MYH7: variants seen among roughly 807,000 people sequenced by gnomAD.
MYH7 encodes myosin heavy chain 7.
MYH7 carries 129 observed loss-of-function variants against 225.4 expected under a neutral mutation model. That is an observed-to-expected ratio of 0.57 (90% CI 0.50 to 0.66). MYH7 has a LOEUF of 0.66. Among genes scored for constraint, MYH7 ranks in the 30% least tolerant of loss-of-function variants. The pLI, the probability that MYH7 is intolerant of heterozygous loss-of-function variation, is 0.00. For missense variants in MYH7, 1,649 were observed against 2,517.0 expected (o/e 0.66, Z 7.38); for synonymous variants, 971 against 1,007.6 (o/e 0.96, Z 0.69).
intron 27 of MYH7, 112 bp downstream of exon 27, chr14:23,419,733 C>G: frequency 6.2e-7 from 1 of 1,612,288 alleles, no homozygotes; most frequent in South Asian, 1.1e-5. Flanking sequence ...ATCTGAGAAC[C>G]AGGCAGAGGA....
intron 22 of MYH7, among the ~76,000 whole-genome samples, chr14:23,424,528 ATAAT>A (rs1263826115): frequency 6.6e-6 from 1 of 152,228 alleles, no homozygotes; most frequent in African/African-American, 2.4e-5. Context: ...AGGTCACAAA[ATAAT>A]TAAGCTGTGT....
chr14:23,433,827 A>C lies in MYH7; in HGVS notation c.-8-87T>G. 1 of 1,302,946 alleles carries C rather than the reference A, an allele frequency of 7.7e-7. No homozygotes were observed. Among genetic ancestry groups the C allele is most frequent in the Non-Finnish European group, 1.1e-6 (1 of 917,360 alleles). 80.7% of individuals were successfully genotyped at this position (1,302,946 alleles called of 1,614,324 possible). ...TCTCCCCTTCAGTGGGAGCCCCAAA[A>C]CCTAGCACCATGCTCAAGAGTCAAG... On this transcript the variant is annotated intron_variant, in intron 2 of 39. Coordinates refer to ENST00000355349, the MANE Select transcript of MYH7 (RefSeq NM_000257.4). The surrounding 1 kb of genome is among the most constrained non-coding windows in gnomAD (Gnocchi z 4.1).
intron 26 of MYH7, 71 bp from the exon 27 acceptor site, chr14:23,420,305 C>T: frequency 6.4e-7 from 1 of 1,562,454 alleles, no homozygotes; most frequent in South Asian, 1.2e-5. Context: ...CTCTAAAAGG[C>T]TCTCGGCTTC....
At position 23,417,605 on chromosome 14, in the gene MYH7, G is replaced by C. The variant is rs763934978; in HGVS notation, c.4251C>G (p.Thr1417=). ...CGATCTCATTCTGTAGCCGGTGCTT[G>C]GTCTTCTCCAGCGAGGAGCACTTGG... ...VNAKCSSLEK[T]KHRLQNEIED... The change falls in exon 31 of 40, where the codon ACC becomes ACG. Residue 1417 remains threonine, a synonymous_variant. Coordinates refer to ENST00000355349, the MANE Select transcript of MYH7 (RefSeq NM_000257.4). The C allele has an allele frequency of 5.8e-5, 93 of 1,612,828 alleles. No individual in the cohort carries two copies. Among genetic ancestry groups the C allele is most frequent in the Non-Finnish European group, 7.4e-5 (87 of 1,180,036 alleles).
chr14:23,419,149 G>A (rs1410850854), intron 29 of MYH7, 28 bp downstream of exon 29: 1 of 1,602,198 alleles, frequency 6.2e-7, no homozygotes, highest in African/African-American at 1.3e-5. Flanking sequence ...TCCTTGCTTG[G>A]GCCAGGTGGC....
At chr14:23,428,469 G>A (rs375103837) in intron 15 of MYH7, 31 bp downstream of exon 15, 182 of 1,614,124 alleles carry the variant, frequency 1.1e-4, no homozygotes, top group Non-Finnish European at 1.4e-4. Context: ...GGTGTGCAGG[G>A]AGAATTCAGG....
intron 15 of MYH7, 88 bp downstream of exon 15, chr14:23,428,412 C>T: frequency 6.3e-7 from 1 of 1,592,410 alleles, no homozygotes; most frequent in Non-Finnish European, 8.6e-7. Flanking sequence ...TTTTTATATT[C>T]CCCAGAAGGG....
At chr14:23,429,423 C>T in intron 12 of MYH7, 76 bp from the exon 13 acceptor site, 4 of 1,436,726 alleles carry the variant, frequency 2.8e-6, no homozygotes, top group Non-Finnish European at 3.9e-6. Context: ...TGCCTGTAAT[C>T]CCAGCACTTT....
chr14:23,431,426 A>G lies in MYH7; in HGVS notation c.788T>C (p.Ile263Thr), dbSNP rs397516269. 3.7e-6 allele frequency: 6 copies of G among 1,614,148 alleles called. No homozygotes were observed. The highest frequency in any genetic ancestry group is 3.3e-5 in the Admixed American group (2 of 60,034). The change falls in exon 9 of 40, where the codon ATA becomes ACA. Residue 263 changes from isoleucine (I) to threonine (T), a missense_variant. By Grantham distance (89) the Ile-to-Thr change is moderately conservative. This residue lies in a region of MYH7 where 131 missense variants were observed against 231.3 expected (regional missense o/e 0.57). Coordinates refer to ENST00000355349, the MANE Select transcript of MYH7 (RefSeq NM_000257.4). ...GATGKLASADIETYLLEKSRV... is the reference protein window; with the variant it reads ...GATGKLASADTETYLLEKSRV... ...AGATTCATGGCACTCACAGGTCTCT[A>G]TGTCTGCAGATGCCAACTTTCCTGT...
intron 15 of MYH7, 131 bp downstream of exon 15, chr14:23,428,369 G>A (rs1892780977): frequency 2.7e-6 from 4 of 1,460,146 alleles, no homozygotes; most frequent in Middle Eastern, 2.1e-4. Flanking sequence ...ATAGGCTCTG[G>A]AACCAAGGGC....
In MYH7 at chr14:23,415,854, A is replaced by G. The variant is rs1195433046; in HGVS notation, c.4954-22T>C. ...TGTCCTGAGGATCAGGAGAGTGGGC[A>G]TGAGCAGGGAGCCAGCCTCGGTTCC... On this transcript the variant is annotated intron_variant, in intron 34 of 39. Transcript: ENST00000355349. The surrounding 1 kb of genome is among the most constrained non-coding windows in gnomAD (Gnocchi z 6.3). 3.1e-6 allele frequency: 5 copies of G among 1,614,146 alleles called. No individual in the cohort carries two copies. The highest frequency in any genetic ancestry group is 1.1e-5 in the South Asian group (1 of 91,076).
At chr14:23,422,046 G>A (rs542112465) in intron 25 of MYH7, 134 bp downstream of exon 25, 1 of 1,376,164 alleles carries the variant, frequency 7.3e-7, no homozygotes, top group Non-Finnish European at 1.0e-6. Flanking sequence ...TGCCTGGGAG[G>A]CCTTTTCCCA....
intron 12 of MYH7, 61 bp from the exon 13 acceptor site, chr14:23,429,408 G>C (rs991608839): frequency 6.7e-7 from 1 of 1,491,762 alleles, no homozygotes; most frequent in Non-Finnish European, 9.3e-7. Context: ...AGGTGTGGTG[G>C]TTCATGCCTG....
rs1305540855 is a variant in MYH7 at position 23,413,002 on chromosome 14, G to T, written c.5791-131C>A. ...TTGTGGGCAGGTGGAAGCCCCTGTG[G>T]CAGCAGCACATGTGTTTCCAGGGAT... On this transcript the variant is annotated intron_variant, in intron 39 of 39. Transcript: ENST00000355349. 3.4e-6 allele frequency: 3 copies of T among 881,386 alleles called. No individual in the cohort carries two copies. The East Asian group carries it at 7.7e-5, about 22-fold the overall frequency. 54.6% of individuals were successfully genotyped at this position (881,386 alleles called of 1,614,324 possible).
At chr14:23,419,128 A>C in intron 29 of MYH7, 49 bp downstream of exon 29, 2 of 1,470,272 alleles carry the variant, frequency 1.4e-6, no homozygotes, top group Non-Finnish European at 1.9e-6. Flanking sequence ...ATGCAAGGCT[A>C]GTCAGTGTGC....
At chr14:23,430,498 G>C in intron 11 of MYH7, 62 bp downstream of exon 11, 1 of 1,333,366 alleles carries the variant, frequency 7.5e-7, no homozygotes, top group Non-Finnish European at 1.1e-6. Flanking sequence ...TCTGCTTTTG[G>C]ACCCCTGTTT....
rs1231020528 is a variant in MYH7, at chr14:23,424,274, G to A, written c.2680-125C>T. ...TCTAGGATATCCCCACTTGGCAAGA[G>A]CTTCAGAAGTATGGGGAGGGGAAGA... On this transcript the variant is annotated intron_variant, in intron 22 of 39. Transcript: ENST00000355349. 4 of 1,282,668 alleles carry A rather than the reference G, an allele frequency of 3.1e-6. No homozygotes were observed. The African/African-American group carries it at 4.4e-5, about 14-fold the overall frequency. The allele number at this position is 1,282,668 out of a possible 1,614,324, so 79.5% of individuals were successfully genotyped here. A position where few individuals can be genotyped will look rare whatever the true frequency, so the allele number is the denominator to read the frequency against.
chr14:23,428,130 C>T (rs897290406), intron 15 of MYH7, among the ~76,000 whole-genome samples: 10 of 152,176 alleles, frequency 6.6e-5, no homozygotes, highest in African/African-American at 2.2e-4. Flanking sequence ...GCTGTACACA[C>T]CACTCCACGA....
chr14:23,432,605 T>C (rs1301434648), intron 5 of MYH7, 34 bp downstream of exon 5: 1 of 1,614,174 alleles, frequency 6.2e-7, no homozygotes, highest in Admixed American at 1.7e-5. Context: ...CCTATCCCAG[T>C]TCCCTTCAGG....
Sources: allele counts gnomAD v4.1 joint callset (sites outside exome capture counted in the v4.1 genomes callset), GRCh38; gene constraint gnomAD v4.1.1; regional missense constraint gnomAD v4.1.1; non-coding constraint Gnocchi (gnomAD v3.1); transcripts MANE v1.5; gene names NCBI Gene and HGNC (gene_info 2026-07-23, HGNC 2026-07-21).